The following MCPH1 variants were observed in gnomAD, a reference collection of about 807,000 sequenced individuals.
MCPH1 encodes microcephalin.
MCPH1 carries 104 observed loss-of-function variants against 84.5 expected under a neutral mutation model. That is an observed-to-expected ratio of 1.23 (90% CI 1.05 to 1.45). The LOEUF (loss-of-function observed/expected upper bound fraction) is 1.45. Ranked by LOEUF, MCPH1 falls within the 40% of genes most tolerant of loss-of-function variation. MCPH1 has a pLI of 0.00. For synonymous variants in MCPH1, 514 were observed against 366.8 expected (o/e 1.40, Z -4.58); for missense variants, 1,498 against 1,005.7 (o/e 1.49, Z -6.62).
At chr8:6,530,692 T>C (rs734702) in intron 12 of MCPH1, among the ~76,000 whole-genome samples, 102,283 of 151,810 alleles carry the variant, frequency 0.67, 34,834 homozygotes, top group Non-Finnish European at 0.72. Flanking sequence ...TATGTTTTTC[T>C]TGAACTGTTG....
chr8:6,580,279 C>T (rs987863052), intron 12 of MCPH1, among the ~76,000 whole-genome samples: 13 of 151,682 alleles, frequency 8.6e-5, no homozygotes, highest in Non-Finnish European at 1.5e-4. Context: ...TTTCTTCCTC[C>T]GTTGCAGTGT....
rs1288007977 is a variant in MCPH1, at chr8:6,406,643, A to C, written c.-25A>C. The C allele has an allele frequency of 2.5e-6, 4 of 1,611,134 alleles. No individual in the cohort carries two copies. Among genetic ancestry groups the C allele is most frequent in the Non-Finnish European group, 3.4e-6 (4 of 1,179,276 alleles). On this transcript the variant is annotated 5_prime_UTR_variant, in exon 1 of 14. Transcript: ENST00000344683. ...CAGGCTCGCAAGCACCGCGTAGGCC[A>C]GCTGGCCGGATCCCGCCGTCTGTCA... is the stretch of plus-strand genomic sequence containing the variant.
At chr8:6,531,673 A>G (rs1237059527) in intron 12 of MCPH1, among the ~76,000 whole-genome samples, 22 of 152,176 alleles carry the variant, frequency 1.4e-4, no homozygotes, top group Non-Finnish European at 2.9e-5. Flanking sequence ...GAACTTAGCA[A>G]TCACTTGTCT....
chr8:6,619,730 G>A (rs1016325847), intron 12 of MCPH1, among the ~76,000 whole-genome samples: 44 of 152,188 alleles, frequency 2.9e-4, no homozygotes, highest in Admixed American at 5.9e-4. Flanking sequence ...GACTACAGGT[G>A]CCCACCACCA....
At chr8:6,544,413 G>A (rs912837554) in intron 12 of MCPH1, among the ~76,000 whole-genome samples, 1 of 152,194 alleles carries the variant, frequency 6.6e-6, no homozygotes, top group African/African-American at 2.4e-5. Flanking sequence ...GCAAATCACT[G>A]AACTTGTAAT....
chr8:6,494,323 C>G (rs1056275608), intron 11 of MCPH1: 2 of 152,142 alleles, frequency 1.3e-5, no homozygotes, highest in African/African-American at 4.8e-5. Context: ...CAAAGATAGC[C>G]TAGAGAGTAT....
chr8:6,416,168 T>C (rs1403774572), intron 3 of MCPH1, among the ~76,000 whole-genome samples: 2 of 152,222 alleles, frequency 1.3e-5, no homozygotes, highest in East Asian at 1.9e-4. Flanking sequence ...ACTTGTTTAT[T>C]AGTTCTAAAT....
chr8:6,406,724 G>A (rs769846752), intron 1 of MCPH1, 35 bp downstream of exon 1: 1 of 1,610,138 alleles, frequency 6.2e-7, no homozygotes, highest in East Asian at 2.2e-5. Context: ...CCAGCAGCGG[G>A]AGTTTGAGGA....
chr8:6,626,000 G>C, intron 13 of MCPH1: 1 of 985,242 alleles, frequency 1.0e-6, no homozygotes, highest in Non-Finnish European at 1.2e-6. Context: ...GTACTGAAAC[G>C]ACAGCTCTTC....
rs1043051154 is a variant in MCPH1 at position 6,483,040 on chromosome 8, C to G, written c.2136+2164C>G. ...GACAAGTCACAAGCAATCTACAAAA[C>G]AGCAATTAGAGGTGACAGCTGAGTT... On this transcript the variant is annotated intron_variant, in intron 11 of 13. Transcript: ENST00000344683. 2.0e-5 allele frequency among the ~76,000 whole-genome samples: 3 copies of G among 152,166 alleles called. No homozygotes were observed. The East Asian group carries it at 5.8e-4, about 29-fold the overall frequency.
chr8:6,462,701 C>T (rs185157758), intron 9 of MCPH1, among the ~76,000 whole-genome samples: 2 of 152,300 alleles, frequency 1.3e-5, no homozygotes, highest in African/African-American at 4.8e-5. Context: ...TACTTAATAT[C>T]TGTGCCTATA....
chr8:6,626,273 C>A (rs1254649306), intron 13 of MCPH1: 1 of 985,294 alleles, frequency 1.0e-6, no homozygotes, highest in Non-Finnish European at 1.2e-6. Flanking sequence ...ATGTAAGCCA[C>A]GCCTCACTCA....
chr8:6,640,702 T>G (rs1260317278), intron 13 of MCPH1, among the ~76,000 whole-genome samples: 1 of 152,242 alleles, frequency 6.6e-6, no homozygotes, highest in Non-Finnish European at 1.5e-5. Context: ...ATTAAACACC[T>G]CTTTTCCTCC....
At chr8:6,484,834 C>A (rs1051440514) in intron 11 of MCPH1, among the ~76,000 whole-genome samples, 1 of 152,174 alleles carries the variant, frequency 6.6e-6, no homozygotes, top group Non-Finnish European at 1.5e-5. Flanking sequence ...GGAAGGAGAA[C>A]AGATGAGTGG....
chr8:6,480,493 G>A (rs146226042), intron 10 of MCPH1, among the ~76,000 whole-genome samples: 1 of 152,250 alleles, frequency 6.6e-6, no homozygotes, highest in African/African-American at 2.4e-5. Context: ...CAGCCTGTGG[G>A]CTTGTCTTCT....
At chr8:6,518,142 A>G (rs1816640075) in intron 12 of MCPH1, among the ~76,000 whole-genome samples, 1 of 152,134 alleles carries the variant, frequency 6.6e-6, no homozygotes, top group African/African-American at 2.4e-5. Flanking sequence ...AGAAACATAG[A>G]TGAAACAATG....
intron 12 of MCPH1, among the ~76,000 whole-genome samples, chr8:6,592,298 C>T (rs926270787): frequency 2.0e-5 from 3 of 151,894 alleles, no homozygotes; most frequent in Non-Finnish European, 2.9e-5. Flanking sequence ...ACTACACGTG[C>T]GTGCCACCAC....
chr8:6,586,784 G>C (rs936380192), intron 12 of MCPH1, among the ~76,000 whole-genome samples: 1 of 152,190 alleles, frequency 6.6e-6, no homozygotes, highest in Non-Finnish European at 1.5e-5. Context: ...GTGAGATTAA[G>C]CTGGTAGTTC....
At chr8:6,562,551 TC>T in intron 12 of MCPH1, 1 of 244,234 alleles carries the variant, frequency 4.1e-6, no homozygotes, top group Non-Finnish European at 7.1e-6. Context: ...TCATCCTCCT[TC>T]TTTTTTTTTT....
Sources: gnomAD v4.1 joint callset for allele counts (sites outside exome capture counted in the v4.1 genomes callset) on GRCh38, gnomAD v4.1.1 for gene constraint, MANE v1.5 for transcripts, NCBI Gene and HGNC (gene_info 2026-07-23, HGNC 2026-07-21) for gene names.